Variants in APLF observed in about 807,000 individuals in gnomAD.
The protein encoded by APLF is aprataxin and PNK-like factor.
A neutral mutation model predicts 55.6 loss-of-function variants in APLF; 61 were observed. That is an observed-to-expected ratio of 1.10 (90% CI 0.89 to 1.36). APLF has a LOEUF of 1.36. Ranked by LOEUF, APLF falls within the 40% of genes most tolerant of loss-of-function variation. The pLI is 0.00. For synonymous variants in APLF, 207 were observed against 214.8 expected (o/e 0.96, Z 0.32); for missense variants, 611 against 602.5 (o/e 1.01, Z -0.15).
At chr2:68,561,848 G>T (rs1671174467) in intron 8 of APLF, among the ~76,000 whole-genome samples, 1 of 151,966 alleles carries the variant, frequency 6.6e-6, no homozygotes, top group Non-Finnish European at 1.5e-5. Context: ...ATAGATTAGG[G>T]TTTACTAAAA....
chr2:68,552,714 C>T (rs1404682523), intron 8 of APLF, among the ~76,000 whole-genome samples: 1 of 152,094 alleles, frequency 6.6e-6, no homozygotes, highest in Non-Finnish European at 1.5e-5. Flanking sequence ...TCAAAAATTG[C>T]TGTCTTCTTG....
chr2:68,537,526 C>A (rs1231540122), intron 6 of APLF, among the ~76,000 whole-genome samples: 1 of 152,018 alleles, frequency 6.6e-6, no homozygotes, highest in Non-Finnish European at 1.5e-5. Context: ...CACCACCATG[C>A]TCAACTAATT....
intron 2 of APLF, among the ~76,000 whole-genome samples, chr2:68,491,436 C>A (rs540607128): frequency 6.6e-6 from 1 of 152,122 alleles, no homozygotes; most frequent in Non-Finnish European, 1.5e-5. Flanking sequence ...CATGAGTAAA[C>A]GCTGTGGTGA....
chr2:68,493,663 T>C (rs1676438034), intron 2 of APLF, among the ~76,000 whole-genome samples: 2 of 152,154 alleles, frequency 1.3e-5, no homozygotes, highest in Non-Finnish European at 1.5e-5. Flanking sequence ...CTGGGTAATT[T>C]ATAAAGAAAA....
chr2:68,517,880 A>G (rs1669675146), intron 5 of APLF, among the ~76,000 whole-genome samples: 1 of 144,778 alleles, frequency 6.9e-6, no homozygotes, highest in South Asian at 2.2e-4. Flanking sequence ...GCAGTAATAT[A>G]TCACTAATAT....
intron 6 of APLF, chr2:68,528,545 A>G (rs1670149931): frequency 9.8e-6 from 15 of 1,533,864 alleles, no homozygotes. Flanking sequence ...ACTTGATCCA[A>G]GAGCTGCAGG....
At chr2:68,512,082 C>T (rs948989255) in intron 3 of APLF, among the ~76,000 whole-genome samples, 3 of 151,680 alleles carry the variant, frequency 2.0e-5, no homozygotes, top group African/African-American at 7.3e-5. Flanking sequence ...TAGAGTTCAT[C>T]CCTTTTAAAT....
At chr2:68,479,420 A>G (rs1344298964) in intron 1 of APLF, among the ~76,000 whole-genome samples, 2 of 152,224 alleles carry the variant, frequency 1.3e-5, no homozygotes, top group Non-Finnish European at 1.5e-5. Context: ...ATATGGCCAA[A>G]AAGTCAGGGG....
Position 68,579,540 on chromosome 2 carries a change from A to ATGT in APLF, c.*1518_*1519insTGT. ...ACAGCCAAAAAGTATAAACACCCAA[A>ATGT]GTCTATCAACTATCAACTGGGTGAA... On this transcript the variant is annotated 3_prime_UTR_variant, in exon 10 of 10. Coordinates refer to ENST00000303795, the MANE Select transcript of APLF (RefSeq NM_173545.3). 3.0e-6 allele frequency: 1 copy of ATGT among 338,736 alleles called. No individual in the cohort carries two copies. The highest frequency in any genetic ancestry group is 2.3e-5 in the African/African-American group (1 of 44,364). 21.0% of individuals were successfully genotyped at this position (338,736 alleles called of 1,614,324 possible). A position where few individuals can be genotyped will look rare whatever the true frequency, so the allele number is the denominator to read the frequency against.
intron 9 of APLF, among the ~76,000 whole-genome samples, chr2:68,571,469 G>A (rs959772892): frequency 6.6e-6 from 1 of 152,008 alleles, no homozygotes; most frequent in Non-Finnish European, 1.5e-5. Flanking sequence ...ATTAATTTTT[G>A]TATAAGGTGT....
chr2:68,539,895 A>G (rs926499837), intron 7 of APLF, among the ~76,000 whole-genome samples: 1 of 152,326 alleles, frequency 6.6e-6, no homozygotes, highest in Admixed American at 6.5e-5. Context: ...GATCATAGCC[A>G]GTACACTAAG....
chr2:68,505,170 T>A (rs2103937781), intron 3 of APLF, among the ~76,000 whole-genome samples: 1 of 152,196 alleles, frequency 6.6e-6, no homozygotes, highest in South Asian at 2.1e-4. Flanking sequence ...ACATGTCTTT[T>A]TCTCTTATCA....
chr2:68,504,879 G>A (rs1340918122), intron 3 of APLF, among the ~76,000 whole-genome samples: 1 of 152,044 alleles, frequency 6.6e-6, no homozygotes, highest in African/African-American at 2.4e-5. Flanking sequence ...GTAATCAATG[G>A]TTGTTTCCAA....
intron 8 of APLF, among the ~76,000 whole-genome samples, chr2:68,550,084 G>A (rs548918286): frequency 6.6e-6 from 1 of 152,248 alleles, no homozygotes; most frequent in East Asian, 1.9e-4. Context: ...TGTGGTTAGT[G>A]TTTGTGTAAT....
chr2:68,505,100 G>A lies in APLF; in HGVS notation c.341+2197G>A, dbSNP rs543189564. On this transcript the variant is annotated intron_variant, in intron 3 of 9. Transcript: ENST00000303795. ...TGCTTAAATGTAAGTGGAAAAAAAT[G>A]TCAGGAAGTTGCTTTTTAGTTAAAT... is the stretch of plus-strand genomic sequence containing the variant. 4.6e-5 allele frequency among the ~76,000 whole-genome samples: 7 copies of A among 152,120 alleles called. No individual in the cohort carries two copies. The South Asian group carries it at 1.5e-3, about 32-fold the overall frequency.
intron 1 of APLF, among the ~76,000 whole-genome samples, chr2:68,473,935 C>A (rs2103874543): frequency 6.6e-6 from 1 of 152,274 alleles, no homozygotes; most frequent in East Asian, 1.9e-4. Flanking sequence ...GGGCTCAGTT[C>A]CCAAGATTTC....
chr2:68,489,577 T>C (rs888818116), intron 1 of APLF, among the ~76,000 whole-genome samples: 6 of 152,200 alleles, frequency 3.9e-5, no homozygotes, highest in South Asian at 4.1e-4. Flanking sequence ...AGGAAGCAAA[T>C]AGATATTTTT....
chr2:68,534,562 A>C (rs1297517796), intron 6 of APLF, among the ~76,000 whole-genome samples: 1 of 152,120 alleles, frequency 6.6e-6, no homozygotes, highest in East Asian at 1.9e-4. Context: ...AATAGCCTTA[A>C]TAATACATTC....
At chr2:68,517,058 T>C (rs1321964134) in intron 5 of APLF, among the ~76,000 whole-genome samples, 1 of 124,526 alleles carries the variant, frequency 8.0e-6, no homozygotes, top group Non-Finnish European at 1.6e-5. Context: ...ATGTTATTAA[T>C]ATATAACATG....
Sources: allele counts gnomAD v4.1 joint callset (sites outside exome capture counted in the v4.1 genomes callset), GRCh38; gene constraint gnomAD v4.1.1; transcripts MANE v1.5; gene names NCBI Gene and HGNC (gene_info 2026-07-23, HGNC 2026-07-21).